The following HHAT variants were observed in gnomAD, a reference collection of about 807,000 sequenced individuals.
HHAT encodes hedgehog acyltransferase, also known as protein-cysteine N-palmitoyltransferase HHAT.
In HHAT, 47 loss-of-function variants were observed where a neutral mutation model predicts 70.8. The ratio of observed to expected loss-of-function variants is 0.66; its 90% CI spans 0.53 to 0.85. The LOEUF (loss-of-function observed/expected upper bound fraction) is 0.85, where lower values mean the gene tolerates loss of function less well. Among genes scored for constraint, HHAT ranks in the 40% least tolerant of loss-of-function variants. The pLI, the probability that HHAT is intolerant of heterozygous loss-of-function variation, is 0.00. For synonymous variants in HHAT, 228 were observed against 247.6 expected (o/e 0.92, Z 0.74); for missense variants, 609 against 604.8 (o/e 1.01, Z -0.07).
intron 3 of HHAT, among the ~76,000 whole-genome samples, chr1:210,374,780 T>A (rs77472394): frequency 7.3e-6 from 1 of 137,178 alleles, no homozygotes; most frequent in African/African-American, 2.9e-5. Flanking sequence ...TTTTTTTTTT[T>A]AATCCCTTAC....
chr1:210,363,528 C>T (rs1282488302), intron 3 of HHAT, among the ~76,000 whole-genome samples: 1 of 152,120 alleles, frequency 6.6e-6, no homozygotes, highest in African/African-American at 2.4e-5. Context: ...CCTTCTCTTC[C>T]AGTTGAGAGA....
chr1:210,526,242 G>A (rs2148619923), intron 9 of HHAT, among the ~76,000 whole-genome samples: 1 of 152,276 alleles, frequency 6.6e-6, no homozygotes, highest in East Asian at 1.9e-4. Flanking sequence ...GTCCCCACTG[G>A]AGCAGTGGTG....
intron 7 of HHAT, among the ~76,000 whole-genome samples, chr1:210,459,480 CA>C (rs2093936349): frequency 1.3e-5 from 2 of 152,116 alleles, no homozygotes; most frequent in Non-Finnish European, 2.9e-5. Flanking sequence ...AAGCTGTACA[CA>C]CATGTGTACA....
chr1:210,389,048 A>G (rs2091276414), intron 4 of HHAT, among the ~76,000 whole-genome samples: 1 of 152,162 alleles, frequency 6.6e-6, no homozygotes, highest in African/African-American at 2.4e-5. Context: ...ATCTTCATTT[A>G]TGGTCTTAGT....
chr1:210,376,590 C>T (rs1008354411), intron 3 of HHAT, among the ~76,000 whole-genome samples: 3 of 152,050 alleles, frequency 2.0e-5, no homozygotes, highest in African/African-American at 7.2e-5. Context: ...GGCAGTGTGC[C>T]CTGAGGATGT....
chr1:210,614,380 C>T (rs796358677), intron 10 of HHAT, among the ~76,000 whole-genome samples: 10 of 151,964 alleles, frequency 6.6e-5, no homozygotes, highest in East Asian at 1.9e-4. Context: ...CATTTGGATG[C>T]TCGTTCTATT....
chr1:210,473,375 G>C (rs919539806), intron 8 of HHAT, among the ~76,000 whole-genome samples: 3 of 152,136 alleles, frequency 2.0e-5, no homozygotes, highest in African/African-American at 2.4e-5. Flanking sequence ...TTCTTCCCAT[G>C]ATGGCCTGAA....
intron 3 of HHAT, chr1:210,374,251 T>G (rs536545306): frequency 9.9e-4 from 137 of 138,452 alleles, no homozygotes; most frequent in African/African-American, 3.5e-3. Flanking sequence ...TTATTCGATC[T>G]GAAGAGAAAC....
chr1:210,449,278 C>CTTT (rs5780578), intron 7 of HHAT, among the ~76,000 whole-genome samples: 57 of 147,030 alleles, frequency 3.9e-4, no homozygotes, highest in Admixed American at 1.5e-3. Flanking sequence ...TCATCCTCTA[C>CTTT]TTTTTTTTTT....
intron 9 of HHAT, among the ~76,000 whole-genome samples, chr1:210,579,572 C>A (rs1658723468): frequency 6.6e-6 from 1 of 152,124 alleles, no homozygotes; most frequent in Admixed American, 6.5e-5. Context: ...TTCACAGCAC[C>A]TCATACTCAA....
At chr1:210,374,002 A>AAGT in intron 3 of HHAT, among the ~76,000 whole-genome samples, 1 of 152,218 alleles carries the variant, frequency 6.6e-6, no homozygotes, top group East Asian at 1.9e-4. Context: ...TTTATCATGC[A>AAGT]AGTATTCAGA....
At chr1:210,443,304 C>T (rs1393439663) in intron 7 of HHAT, among the ~76,000 whole-genome samples, 6 of 151,694 alleles carry the variant, frequency 4.0e-5, no homozygotes, top group Non-Finnish European at 8.8e-5. Flanking sequence ...GTTCTTTTGG[C>T]TTAGGATTGA....
At chr1:210,465,871 TGAATTGCAAG>T (rs916555056) in intron 8 of HHAT, among the ~76,000 whole-genome samples, 29 of 151,894 alleles carry the variant, frequency 1.9e-4, no homozygotes, top group Non-Finnish European at 3.2e-4. Context: ...TTGCAAGGAA[TGAATTGCAAG>T]GAATTGCAAG....
intron 6 of HHAT, among the ~76,000 whole-genome samples, chr1:210,410,609 C>T (rs1011580379): frequency 2.0e-5 from 3 of 147,904 alleles, no homozygotes; most frequent in East Asian, 2.0e-4. Context: ...TCACTGCAAC[C>T]TCCACCTCCC....
At chr1:210,355,519 T>G (rs2087518923) in intron 2 of HHAT, among the ~76,000 whole-genome samples, 1 of 152,216 alleles carries the variant, frequency 6.6e-6, no homozygotes, top group South Asian at 2.1e-4. Flanking sequence ...TCATCAGTTT[T>G]CCAGAGGCAA....
chr1:210,560,532 G>A (rs776997701), intron 9 of HHAT, among the ~76,000 whole-genome samples: 60 of 151,896 alleles, frequency 4.0e-4, no homozygotes, highest in Non-Finnish European at 3.5e-4. Flanking sequence ...ATAAACAGAA[G>A]AGGCTGGCCA....
At chr1:210,545,426 CTTTTTTTTCCT>C (rs2095474695) in intron 9 of HHAT, among the ~76,000 whole-genome samples, 1 of 130,964 alleles carries the variant, frequency 7.6e-6, no homozygotes, top group Non-Finnish European at 1.6e-5. Flanking sequence ...GTCATGACTT[CTTTTTTTTCCT>C]TTTTTTTTTT....
At chr1:210,574,811 C>T (rs548363708) in intron 9 of HHAT, among the ~76,000 whole-genome samples, 1 of 152,344 alleles carries the variant, frequency 6.6e-6, no homozygotes, top group Non-Finnish European at 1.5e-5. Flanking sequence ...TGCACTTGTC[C>T]TCAGAGCACT....
chr1:210,484,816 A>T (rs1413572671), intron 8 of HHAT, among the ~76,000 whole-genome samples: 1 of 152,168 alleles, frequency 6.6e-6, no homozygotes, highest in African/African-American at 2.4e-5. Context: ...TGGTGCTCAC[A>T]TTGTCTCAGT....
Sources: gnomAD v4.1 joint callset for allele counts (sites outside exome capture counted in the v4.1 genomes callset) on GRCh38, gnomAD v4.1.1 for gene constraint, MANE v1.5 for transcripts, NCBI Gene and HGNC (gene_info 2026-07-23, HGNC 2026-07-21) for gene names.